Variants in ZNF738 observed in about 807,000 individuals in gnomAD.
ZNF738 encodes protein ZNF738.
ZNF738 carries 10 observed loss-of-function variants against 9.2 expected under a neutral mutation model. The ratio of observed to expected loss-of-function variants is 1.09; its 90% CI spans 0.67 to 1.85. The LOEUF is 1.85. Among genes scored for constraint, ZNF738 ranks in the 40% most tolerant of loss-of-function variants. The pLI, the probability that ZNF738 is intolerant of heterozygous loss-of-function variation, is 0.00. For synonymous variants in ZNF738, 113 were observed against 94.5 expected, an observed-to-expected ratio of 1.20 and a Z score of -1.14; for missense variants, 346 against 283.6, an observed-to-expected ratio of 1.22 and a Z score of -1.58.
intron 2 of ZNF738, among the ~76,000 whole-genome samples, chr19:21,367,004 A>G (rs1401418373): frequency 1.3e-5 from 2 of 152,180 alleles, no homozygotes; most frequent in Middle Eastern, 3.4e-3. Context: ...TCCTTATTTT[A>G]CTCAGCCCCT....
Position 21,384,141 on chromosome 19 carries a change from A to G in ZNF738, c.*467A>G, listed in dbSNP as rs992153313. On this transcript the variant is annotated 3_prime_UTR_variant, in exon 5 of 5. Transcript: ENST00000683779. ...ATCTTATCTTACTACACATAAGATGATTCATACTGTAGAGAAACGCTACAA... is the reference window on the plus strand; with the variant it reads ...ATCTTATCTTACTACACATAAGATGGTTCATACTGTAGAGAAACGCTACAA... 2 of 1,482,252 alleles carry G rather than the reference A, an allele frequency of 1.3e-6. No homozygotes were observed. The highest frequency in any genetic ancestry group is 2.8e-5 in the African/African-American group (2 of 72,302). 91.8% of individuals were successfully genotyped at this position (1,482,252 alleles called of 1,614,324 possible). A position where few individuals can be genotyped will look rare whatever the true frequency, so the allele number is the denominator to read the frequency against.
intron 1 of ZNF738, among the ~76,000 whole-genome samples, chr19:21,361,297 C>G (rs1302917655): frequency 6.6e-6 from 1 of 151,678 alleles, no homozygotes; most frequent in Non-Finnish European, 1.5e-5. Context: ...CCAGCCACCA[C>G]GCCCGGCTAA....
chr19:21,365,826 G>T (rs1435994491), intron 2 of ZNF738, among the ~76,000 whole-genome samples: 1 of 151,944 alleles, frequency 6.6e-6, no homozygotes, highest in Non-Finnish European at 1.5e-5. Flanking sequence ...GCATGGTAGG[G>T]CGCGCCTATA....
In ZNF738 at chr19:21,375,981, A is replaced by C; in HGVS notation, c.319+17A>C. 1 of 731,000 alleles carries C rather than the reference A, an allele frequency of 1.4e-6. No individual in the cohort carries two copies. The highest frequency in any genetic ancestry group is 2.5e-6 in the Non-Finnish European group (1 of 401,826). 45.3% of individuals were successfully genotyped at this position (731,000 alleles called of 1,614,324 possible). ...CACCCCCAGGTAGGTGAGAGTGAAT[A>C]AAACAGTTGACATAGATGAAAGGTT... is the stretch of plus-strand genomic sequence containing the variant. On this transcript the variant is annotated intron_variant, in intron 4 of 4. Coordinates refer to ENST00000683779, the MANE Select transcript of ZNF738 (RefSeq NM_001355237.2).
chr19:21,374,807 G>A (rs1194664664), intron 2 of ZNF738, among the ~76,000 whole-genome samples: 1 of 151,486 alleles, frequency 6.6e-6, no homozygotes, highest in East Asian at 1.9e-4. Flanking sequence ...CAGAATCTCA[G>A]ACTTTATTTC....
intron 4 of ZNF738, among the ~76,000 whole-genome samples, chr19:21,380,452 A>G (rs1216528835): frequency 6.6e-6 from 1 of 152,138 alleles, no homozygotes; most frequent in African/African-American, 2.4e-5. Context: ...GGTGGACAGG[A>G]GCCCTTTGGC....
chr19:21,364,098 G>C (rs1973740799), intron 2 of ZNF738, among the ~76,000 whole-genome samples: 1 of 147,312 alleles, frequency 6.8e-6, no homozygotes, highest in African/African-American at 2.5e-5. Flanking sequence ...TTAGGAGCCT[G>C]AGACAGGAGA....
intron 2 of ZNF738, among the ~76,000 whole-genome samples, chr19:21,374,135 A>G (rs1227213042): frequency 6.7e-6 from 1 of 150,180 alleles, no homozygotes; most frequent in Admixed American, 6.7e-5. Flanking sequence ...CTTAGTAAGG[A>G]TGGAGAACAT....
In ZNF738 at chr19:21,384,027, C is replaced by T. The variant is rs767302872; in HGVS notation, c.*353C>T. 118 of 1,482,868 alleles carry T rather than the reference C, an allele frequency of 8.0e-5. No individual in the cohort carries two copies. Among genetic ancestry groups the T allele is most frequent in the East Asian group, 3.1e-4 (13 of 41,526 alleles). The allele number at this position is 1,482,868 out of a possible 1,614,324, so 91.9% of individuals were successfully genotyped here. A position where few individuals can be genotyped will look rare whatever the true frequency, so the allele number is the denominator to read the frequency against. On this transcript the variant is annotated 3_prime_UTR_variant, in exon 5 of 5. Transcript: ENST00000683779. ...TGAAGAATGTGGCAAAGCTTTCTAC[C>T]GATTCATTTACCTTACTACACATAA...
At position 21,385,442 on chromosome 19, in the gene ZNF738, A is replaced by G. The variant is rs1161980272; in HGVS notation, c.*1768A>G. On this transcript the variant is annotated 3_prime_UTR_variant, in exon 5 of 5. Transcript: ENST00000683779. ...CTGCACTCCAGCCTGGATGACAGAG[A>G]GAGACTCTATCTCCAAAAAAATAAA... Among the ~76,000 whole-genome samples the G allele has an allele frequency of 6.6e-6, 1 of 151,818 alleles. No individual in the cohort carries two copies. The highest frequency in any genetic ancestry group is 1.5e-5 in the Non-Finnish European group (1 of 67,946).
At chr19:21,380,902 A>T (rs1213928067) in intron 4 of ZNF738, among the ~76,000 whole-genome samples, 2 of 152,134 alleles carry the variant, frequency 1.3e-5, no homozygotes, top group Non-Finnish European at 2.9e-5. Flanking sequence ...GTAGAGAGCT[A>T]AGGAGGGCAC....
At chr19:21,375,207 G>T in intron 2 of ZNF738, 31 bp from the exon 3 acceptor site, 1 of 886,652 alleles carries the variant, frequency 1.1e-6, no homozygotes, top group South Asian at 1.8e-5. Context: ...GTGGACACTT[G>T]TAAATATGTG....
At chr19:21,378,049 C>T (rs1175429071) in intron 4 of ZNF738, 1 of 396,974 alleles carries the variant, frequency 2.5e-6, no homozygotes, top group African/African-American at 2.1e-5. Context: ...TTACATAAAA[C>T]CTTTAAGAGA....
intron 2 of ZNF738, among the ~76,000 whole-genome samples, chr19:21,362,111 T>C (rs11669429): frequency 0.14 from 20,677 of 148,654 alleles, 1,928 homozygotes; most frequent in Non-Finnish European, 0.21. Flanking sequence ...ATAATAATAA[T>C]AATAATAATA....
intron 4 of ZNF738, chr19:21,377,310 A>G: frequency 1.8e-6 from 1 of 552,908 alleles, no homozygotes; most frequent in Non-Finnish European, 3.2e-6. Context: ...CCATCTAAAA[A>G]AAAAAAAAAT....
intron 2 of ZNF738, chr19:21,372,979 C>T (rs1973875366): frequency 1.3e-5 from 2 of 152,118 alleles, no homozygotes; most frequent in Admixed American, 1.3e-4. Context: ...TGTATTGTGA[C>T]AAGAGTGCGG....
chr19:21,376,016 CAAAA>C, intron 4 of ZNF738, 52 bp downstream of exon 4: 1 of 543,732 alleles, frequency 1.8e-6, no homozygotes, highest in Non-Finnish European at 3.3e-6. Flanking sequence ...TGGAAGATTA[CAAAA>C]AAAAAAAAGC....
intron 4 of ZNF738, chr19:21,376,211 A>G: frequency 9.0e-6 from 3 of 333,268 alleles, no homozygotes; most frequent in Non-Finnish European, 1.7e-5. Context: ...ATTTTCCTTC[A>G]AGTTCACAGT....
In ZNF738 at chr19:21,364,112, G is replaced by C. The variant is rs189472244; in HGVS notation, c.96+2254G>C. Reference sequence around the variant, plus strand: ...CTTAGGAGCCTGAGACAGGAGAAATGTTTGAACCCGGGAGATGGAGGTTGC... The same window carrying C: ...CTTAGGAGCCTGAGACAGGAGAAATCTTTGAACCCGGGAGATGGAGGTTGC... On this transcript the variant is annotated intron_variant, in intron 2 of 4. Transcript: ENST00000683779. 9.0e-4 allele frequency among the ~76,000 whole-genome samples: 133 copies of C among 147,654 alleles called. 1 individual carries two copies. The highest frequency in any genetic ancestry group is 3.0e-3 in the African/African-American group (120 of 39,942).
Sources: gnomAD v4.1 joint callset for allele counts (sites outside exome capture counted in the v4.1 genomes callset) on GRCh38, gnomAD v4.1.1 for gene constraint, MANE v1.5 for transcripts, NCBI Gene and HGNC (gene_info 2026-07-23, HGNC 2026-07-21) for gene names.